BRD7: variants seen among roughly 807,000 people sequenced by gnomAD.
BRD7 encodes the protein bromodomain-containing protein 7.
Under a neutral mutation model 82.1 loss-of-function variants are expected in BRD7, and 15 were observed. The ratio of observed to expected loss-of-function variants is 0.18; its 90% confidence interval spans 0.12 to 0.28. The LOEUF is 0.28. Among genes scored for constraint, BRD7 ranks in the 10% least tolerant of loss-of-function variants. The pLI is 1.00. For synonymous variants in BRD7, 232 were observed against 266.9 expected, an observed-to-expected ratio of 0.87 and a Z score of 1.27; for missense variants, 638 against 779.9, an observed-to-expected ratio of 0.82 and a Z score of 2.17.
At chr16:50,358,575 A>C (rs2038829598) in intron 2 of BRD7, among the ~76,000 whole-genome samples, 1 of 151,970 alleles carries the variant, frequency 6.6e-6, no homozygotes, top group African/African-American at 2.4e-5. Context: ...CTCTCATCAG[A>C]CCTCTTTACC....
rs189547709 is a variant in BRD7 at position 50,320,967 on chromosome 16, A to T, written c.1501-193T>A. On this transcript the variant is annotated intron_variant, in intron 13 of 16. Coordinates refer to ENST00000394688, the MANE Select transcript of BRD7 (RefSeq NM_013263.5). The stretch of plus-strand genomic sequence containing the variant: ...AAAATGCTATTCCCAAATCTTGGCA[A>T]AAACAGGTATTCAATAAATCCATAC... 3.0e-4 allele frequency among the ~76,000 whole-genome samples: 46 copies of T among 152,396 alleles called. 1 individual carries two copies. The East Asian group carries it at 8.7e-3, about 29-fold the overall frequency.
rs1377455649 is a variant in BRD7 at position 50,318,424 on chromosome 16, C to CTGA, written c.*784_*786dup. ...GGCTATCTATCTATCTATCTCCATCCTGATTTTTTTCCCTTGTGTATAACA... is the reference window on the plus strand; with the variant it reads ...GGCTATCTATCTATCTATCTCCATCCTGATGATTTTTTTCCCTTGTGTATAACA... On this transcript the variant is annotated 3_prime_UTR_variant, in exon 17 of 17. Coordinates refer to ENST00000394688, the MANE Select transcript of BRD7 (RefSeq NM_013263.5). 6.6e-6 allele frequency: 1 copy of CTGA among 151,982 alleles called. No individual in the cohort carries two copies. The highest frequency in any genetic ancestry group is 2.4e-5 in the African/African-American group (1 of 41,360). 9.4% of individuals were successfully genotyped at this position (151,982 alleles called of 1,614,324 possible).
chr16:50,352,697 CTTTGT>C (rs1043408767), intron 4 of BRD7, among the ~76,000 whole-genome samples: 5 of 128,602 alleles, frequency 3.9e-5, no homozygotes, highest in East Asian at 2.2e-4. Context: ...TTCTTGCCAG[CTTTGT>C]TTTTTTTTTT....
chr16:50,345,820 C>T (rs2038259904), intron 5 of BRD7, among the ~76,000 whole-genome samples: 1 of 151,708 alleles, frequency 6.6e-6, no homozygotes, highest in Non-Finnish European at 1.5e-5. Context: ...AATAATAATG[C>T]AAAACTTTAA....
intron 12 of BRD7, among the ~76,000 whole-genome samples, 154 bp downstream of exon 12, chr16:50,323,433 T>C (rs1411434334): frequency 6.6e-6 from 1 of 152,246 alleles, no homozygotes; most frequent in African/African-American, 2.4e-5. Flanking sequence ...TTTCCGTTTA[T>C]TGTCCACCCG....
At chr16:50,330,936 G>T (rs2037538166) in intron 8 of BRD7, among the ~76,000 whole-genome samples, 1 of 151,870 alleles carries the variant, frequency 6.6e-6, no homozygotes, top group Admixed American at 6.6e-5. Context: ...AGATATAAGA[G>T]AAACAATTCT....
intron 2 of BRD7, 141 bp downstream of exon 2, chr16:50,367,949 C>T: frequency 2.4e-6 from 2 of 840,840 alleles, no homozygotes; most frequent in South Asian, 1.6e-5. Context: ...TGATTCATGT[C>T]TCTATTCTGT....
rs57755008 is a variant in BRD7, at chr16:50,341,177, TACACACAC to T, written c.592-1099_592-1092del. Among the ~76,000 whole-genome samples, 377 of 137,290 alleles carry T rather than the reference TACACACAC, an allele frequency of 2.7e-3. 2 individuals are homozygous for T. Among genetic ancestry groups the T allele is most frequent in the African/African-American group, 9.2e-3 (352 of 38,166 alleles). 90.1% of individuals were successfully genotyped at this position (137,290 alleles called of 152,430 possible). ...GAAAGCTATGGGACCAGACCTTAAG[TACACACAC>T]ACACACACACACACACACACACACA... On this transcript the variant is annotated intron_variant, in intron 5 of 16. Coordinates refer to ENST00000394688, the MANE Select transcript of BRD7 (RefSeq NM_013263.5).
rs182919475 is a variant in BRD7 at position 50,323,581 on chromosome 16, T to C, written c.1443+6A>G. The C allele has an allele frequency of 3.3e-4, 515 of 1,580,400 alleles. 2 individuals carry two copies. The highest frequency in any genetic ancestry group is 5.5e-4 in the South Asian group (50 of 90,380). Reference sequence around the variant, plus strand: ...ATTACCCTGTTTTCATTAGCAGTGTTCTTACCATCTCCATCTCTTGTAGGG... The same window carrying C: ...ATTACCCTGTTTTCATTAGCAGTGTCCTTACCATCTCCATCTCTTGTAGGG... On this transcript the variant is annotated splice_donor_region_variant and intron_variant, in intron 12 of 16. Transcript: ENST00000394688.
rs766479762 is a variant in BRD7, at chr16:50,319,942, C to T, written c.1845G>A (p.Met615Ile). Residue 615 changes from methionine (M) to isoleucine (I), a missense_variant, in exon 16 of 17, where the codon ATG becomes ATA. Transcript: ENST00000394688. ...IVSTYGVRKAMGISIPSPVME... is the reference protein window; with the variant it reads ...IVSTYGVRKAIGISIPSPVME... ...TGACGGGGGAAGGAATGGAAATCCC[C>T]ATTGCTTTTCGAACTCCATACGTGC... 6.2e-7 allele frequency: 1 copy of T among 1,612,778 alleles called. No individual in the cohort carries two copies. The highest frequency in any genetic ancestry group is 1.3e-5 in the African/African-American group (1 of 75,024).
At chr16:50,343,479 C>T (rs1443707882) in intron 5 of BRD7, among the ~76,000 whole-genome samples, 1 of 152,296 alleles carries the variant, frequency 6.6e-6, no homozygotes, top group Admixed American at 6.5e-5. Context: ...GTGCAGCCCA[C>T]AGAGTGTGAG....
intron 5 of BRD7, among the ~76,000 whole-genome samples, chr16:50,342,562 A>G (rs529728030): frequency 6.1e-5 from 9 of 147,692 alleles, no homozygotes; most frequent in African/African-American, 1.5e-4. Flanking sequence ...CTGGGACTAC[A>G]GGCATCCGCC....
At chr16:50,321,542 G>C (rs577270712) in intron 13 of BRD7, among the ~76,000 whole-genome samples, 1 of 127,610 alleles carries the variant, frequency 7.8e-6, no homozygotes, top group African/African-American at 3.0e-5. Flanking sequence ...ACTCCAGCCT[G>C]GGCAACAGAG....
At position 50,323,733 on chromosome 16, in the gene BRD7, C is replaced by A. The variant is rs767485006; in HGVS notation, c.1332-35G>T. ...ACAGTTAGGAAAGTCTCACATAAAT[C>A]ACCTCCACTGGCTTTATCCTCCCAT... On this transcript the variant is annotated intron_variant, in intron 11 of 16. Coordinates refer to ENST00000394688, the MANE Select transcript of BRD7 (RefSeq NM_013263.5). The A allele has an allele frequency of 4.7e-6, 7 of 1,504,692 alleles. No individual in the cohort carries two copies. The Admixed American group carries it at 6.7e-5, about 14-fold the overall frequency. 93.2% of individuals were successfully genotyped at this position (1,504,692 alleles called of 1,614,324 possible).
At chr16:50,334,604 C>G in intron 7 of BRD7, 107 bp downstream of exon 7, 5 of 1,328,950 alleles carry the variant, frequency 3.8e-6, no homozygotes, top group Non-Finnish European at 5.1e-6. Flanking sequence ...CCACCACCAC[C>G]GACACACTAG....
chr16:50,334,892 T>C lies in BRD7; in HGVS notation c.706A>G (p.Arg236Gly). 6.2e-7 allele frequency: 1 copy of C among 1,608,222 alleles called. No individual in the cohort carries two copies. The highest frequency in any genetic ancestry group is 8.5e-7 in the Non-Finnish European group (1 of 1,178,168). The change falls in exon 7 of 17, where the codon AGA (arginine) becomes GGA (glycine). Residue 236 changes from arginine (R) to glycine (G), a missense_variant. Physicochemically the swap from Arg to Gly is moderately radical, Grantham distance 125. Around this residue, in one of 3 missense-constraint regions of BRD7, gnomAD observed 64 missense variants for 123.8 expected, o/e 0.52. Transcript: ENST00000394688. ...ATGCTCTGCTTCAGGCTCTGAATTC[T>C]TTCCTAAACATATTCGAAAATATTC... ...HSGMKILSQE[R>G]IQSLKQSIDF...
chr16:50,345,795 C>G (rs1477426375), intron 5 of BRD7, among the ~76,000 whole-genome samples: 1 of 152,162 alleles, frequency 6.6e-6, no homozygotes, highest in Non-Finnish European at 1.5e-5. Flanking sequence ...TAAAAAGAGA[C>G]TTAGACTCAC....
chr16:50,340,967 T>C (rs2038022475), intron 5 of BRD7, among the ~76,000 whole-genome samples: 1 of 152,164 alleles, frequency 6.6e-6, no homozygotes, highest in Non-Finnish European at 1.5e-5. Context: ...CACTATTTAA[T>C]AGTGATGACA....
At chr16:50,330,731 T>TA (rs370137033) in intron 8 of BRD7, among the ~76,000 whole-genome samples, 2,419 of 151,886 alleles carry the variant, frequency 0.016, 62 homozygotes, top group African/African-American at 0.055. Context: ...TTATTTTATT[T>TA]AAAAAAAACA....
Sources: allele counts gnomAD v4.1 joint callset (sites outside exome capture counted in the v4.1 genomes callset), GRCh38; gene constraint gnomAD v4.1.1; regional missense constraint gnomAD v4.1.1; transcripts MANE v1.5; gene names NCBI Gene and HGNC (gene_info 2026-07-23, HGNC 2026-07-21).